LDLRAD3: variants seen among roughly 807,000 people sequenced by gnomAD.
LDLRAD3 encodes the protein low density lipoprotein receptor class A domain containing 3, also known as low-density lipoprotein receptor class A domain-containing protein 3.
LDLRAD3 carries 20 observed loss-of-function variants against 29.4 expected under a neutral mutation model. The ratio of observed to expected loss-of-function variants is 0.68; its 90% CI spans 0.48 to 0.99. The LOEUF (loss-of-function observed/expected upper bound fraction) is 0.99. Ranked by LOEUF, LDLRAD3 falls within the 50% of genes least tolerant of loss-of-function variation. LDLRAD3 has a pLI of 0.00. For missense variants in LDLRAD3, 420 were observed against 454.3 expected, an observed-to-expected ratio of 0.92 and a Z score of 0.69; for synonymous variants, 157 against 192.7, an observed-to-expected ratio of 0.81 and a Z score of 1.53.
At chr11:35,979,810 A>C (rs1483432442) in intron 1 of LDLRAD3, among the ~76,000 whole-genome samples, 2 of 152,238 alleles carry the variant, frequency 1.3e-5, no homozygotes, top group Non-Finnish European at 2.9e-5. Flanking sequence ...TTGTTGAGCC[A>C]GTGGCATTCT....
chr11:35,973,294 T>C (rs1295757789), intron 1 of LDLRAD3, among the ~76,000 whole-genome samples: 1 of 152,212 alleles, frequency 6.6e-6, no homozygotes. Context: ...ATATGCACTA[T>C]AAATTATTTC....
intron 4 of LDLRAD3, among the ~76,000 whole-genome samples, chr11:36,129,235 G>A (rs1853889148): frequency 6.6e-6 from 1 of 152,134 alleles, no homozygotes; most frequent in Non-Finnish European, 1.5e-5. Context: ...AACACTATTA[G>A]CCCTTTTCTA....
intron 1 of LDLRAD3, among the ~76,000 whole-genome samples, chr11:35,977,136 A>G (rs747132917): frequency 6.6e-6 from 1 of 152,198 alleles, no homozygotes; most frequent in South Asian, 2.1e-4. Flanking sequence ...TGCTAGCTCC[A>G]TGCTATCAGG....
intron 4 of LDLRAD3, among the ~76,000 whole-genome samples, chr11:36,182,569 CAAT>C (rs1854780688): frequency 6.6e-6 from 1 of 152,142 alleles, no homozygotes; most frequent in African/African-American, 2.4e-5. Flanking sequence ...GAGTGGGCTC[CAAT>C]CTTGGCAACG....
intron 4 of LDLRAD3, among the ~76,000 whole-genome samples, chr11:36,140,688 T>C (rs55634360): frequency 6.6e-6 from 1 of 152,106 alleles, no homozygotes; most frequent in Non-Finnish European, 1.5e-5. Context: ...CCCTAAGTGC[T>C]GGGATTACAG....
At chr11:36,116,472 A>G (rs1853676024) in intron 4 of LDLRAD3, among the ~76,000 whole-genome samples, 1 of 152,104 alleles carries the variant, frequency 6.6e-6, no homozygotes, top group African/African-American at 2.4e-5. Flanking sequence ...TCTATTGTCT[A>G]AAGTGCCCAC....
At chr11:36,168,894 G>A (rs1425042118) in intron 4 of LDLRAD3, among the ~76,000 whole-genome samples, 4 of 152,140 alleles carry the variant, frequency 2.6e-5, no homozygotes, top group African/African-American at 9.7e-5. Flanking sequence ...GCCTGGAGAT[G>A]GACTTCAGAC....
At chr11:36,093,167 C>G (rs563824235) in intron 3 of LDLRAD3, among the ~76,000 whole-genome samples, 13 of 152,264 alleles carry the variant, frequency 8.5e-5, no homozygotes, top group African/African-American at 2.9e-4. Context: ...TGAAACATTT[C>G]TGCTAGACTA....
chr11:35,963,730 C>T (rs2133138273), intron 1 of LDLRAD3, among the ~76,000 whole-genome samples: 1 of 152,312 alleles, frequency 6.6e-6, no homozygotes. Context: ...TGCTTACCAT[C>T]TATTTTTAAA....
intron 4 of LDLRAD3, among the ~76,000 whole-genome samples, chr11:36,215,550 C>CACT (rs1565310378): frequency 6.6e-6 from 1 of 152,130 alleles, no homozygotes; most frequent in Non-Finnish European, 1.5e-5. Flanking sequence ...GCTCCCCTTT[C>CACT]GGGCATGCTC....
At chr11:36,133,280 C>A (rs1853953615) in intron 4 of LDLRAD3, among the ~76,000 whole-genome samples, 1 of 151,878 alleles carries the variant, frequency 6.6e-6, no homozygotes, top group South Asian at 2.1e-4. Context: ...AAGCAGTCCT[C>A]CTGTCTCAGC....
chr11:36,096,627 C>T (rs541635782), intron 3 of LDLRAD3, among the ~76,000 whole-genome samples: 18 of 152,374 alleles, frequency 1.2e-4, no homozygotes, highest in Admixed American at 2.6e-4. Flanking sequence ...CATTTTCCCA[C>T]GGATATCATT....
At chr11:36,169,068 T>G (rs1854558327) in intron 4 of LDLRAD3, among the ~76,000 whole-genome samples, 1 of 152,160 alleles carries the variant, frequency 6.6e-6, no homozygotes, top group South Asian at 2.1e-4. Context: ...TATTTCTGAT[T>G]TGGGTGAGTG....
At chr11:36,227,802 G>A (rs1855521493) in intron 5 of LDLRAD3, among the ~76,000 whole-genome samples, 1 of 152,160 alleles carries the variant, frequency 6.6e-6, no homozygotes, top group South Asian at 2.1e-4. Flanking sequence ...ATGTCACGCT[G>A]GTCCATGTTC....
At chr11:36,171,303 T>G (rs1183370746) in intron 4 of LDLRAD3, among the ~76,000 whole-genome samples, 2 of 152,216 alleles carry the variant, frequency 1.3e-5, no homozygotes, top group Non-Finnish European at 2.9e-5. Context: ...TTCATTTAAT[T>G]AAGTCCCACT....
At chr11:36,056,769 T>C (rs753447779) in intron 2 of LDLRAD3, among the ~76,000 whole-genome samples, 3 of 152,198 alleles carry the variant, frequency 2.0e-5, no homozygotes, top group Non-Finnish European at 4.4e-5. Context: ...TGCTATCTCC[T>C]GTTAAAATTA....
chr11:36,151,159 T>C (rs181350360), intron 4 of LDLRAD3, among the ~76,000 whole-genome samples: 1 of 152,208 alleles, frequency 6.6e-6, no homozygotes, highest in Non-Finnish European at 1.5e-5. Flanking sequence ...CAAATTGTAA[T>C]TCACATGGTG....
chr11:36,199,991 A>AC (rs1855099130), intron 4 of LDLRAD3, among the ~76,000 whole-genome samples: 1 of 151,712 alleles, frequency 6.6e-6, no homozygotes, highest in Admixed American at 6.6e-5. Flanking sequence ...ACATGGTGAA[A>AC]CCCCATCTCT....
intron 4 of LDLRAD3, among the ~76,000 whole-genome samples, chr11:36,141,591 TAGG>T (rs934637342): frequency 5.3e-5 from 8 of 151,778 alleles, no homozygotes; most frequent in African/African-American, 1.7e-4. Flanking sequence ...GTAGCCAGAA[TAGG>T]AGAATTTGGT....
Sources: allele counts gnomAD v4.1 joint callset (sites outside exome capture counted in the v4.1 genomes callset), GRCh38; gene constraint gnomAD v4.1.1; transcripts MANE v1.5; gene names NCBI Gene and HGNC (gene_info 2026-07-23, HGNC 2026-07-21).